Variants in MRTFB observed in about 807,000 individuals in gnomAD.
The protein encoded by MRTFB is myocardin related transcription factor B.
MRTFB carries 29 observed loss-of-function variants against 104.2 expected under a neutral mutation model. The observed-to-expected ratio is 0.28, with a 90% CI of 0.21 to 0.38. The LOEUF (loss-of-function observed/expected upper bound fraction) is 0.38, where lower values mean the gene tolerates loss of function less well. Ranked by LOEUF, MRTFB falls within the 10% of genes least tolerant of loss-of-function variation. MRTFB has a pLI of 1.00. For synonymous variants in MRTFB, 535 were observed against 519.5 expected (o/e 1.03, Z -0.41); for missense variants, 1,270 against 1,341.6 (o/e 0.95, Z 0.83).
chr16:14,049,023 C>T, the MRTFB span, among the ~76,000 whole-genome samples: 6 of 152,114 alleles, frequency 3.9e-5, no homozygotes, highest in African/African-American at 1.2e-4. Context: ...GTTTGCCTCC[C>T]AGGGGACATT....
intron 2 of MRTFB, among the ~76,000 whole-genome samples, chr16:14,107,583 C>T (rs1262212307): frequency 1.3e-5 from 2 of 152,194 alleles, no homozygotes; most frequent in South Asian, 4.2e-4. Flanking sequence ...TGACAGACTT[C>T]ATTTTGGTCT....
Position 14,246,672 on chromosome 16 carries a change from A to C in MRTFB, c.1412A>C (p.His471Pro), listed in dbSNP as rs755491163. 6.2e-7 allele frequency: 1 copy of C among 1,614,152 alleles called. No individual in the cohort carries two copies. The change falls in exon 12 of 17, where the codon CAC (histidine) becomes CCC (proline). Residue 471 changes from histidine (H) to proline (P), a missense_variant. Physicochemically the swap from His to Pro is moderately conservative, Grantham distance 77. Around this residue, in one of 3 missense-constraint regions of MRTFB, gnomAD observed 1,144 missense variants for 1,131.5 expected, o/e 1.01. Coordinates refer to ENST00000571589, the MANE Select transcript of MRTFB (RefSeq NM_001308142.2). ...VTVALPVTTL[H>P]NTVTSSVSTL... is the part of the protein sequence containing the mutation. ...GTGGCCTTGCCGGTTACAACACTAC[A>C]CAACACTGTGACTAGCTCAGTCTCT...
At chr16:14,232,493 T>C (rs2042309216) in intron 8 of MRTFB, among the ~76,000 whole-genome samples, 1 of 152,212 alleles carries the variant, frequency 6.6e-6, no homozygotes, top group Non-Finnish European at 1.5e-5. Flanking sequence ...GTGTCCATTC[T>C]CTTAGATGAG....
At chr16:14,071,453 G>A (rs2141748198) in intron 1 of MRTFB, 88 bp downstream of exon 1, 1 of 152,920 alleles carries the variant, frequency 6.5e-6, no homozygotes, top group African/African-American at 2.4e-5. Flanking sequence ...CGGGCCTGGT[G>A]AACATCCCGC....
chr16:14,065,745 TA>T, the MRTFB span, among the ~76,000 whole-genome samples: 11 of 151,636 alleles, frequency 7.3e-5, no homozygotes, highest in East Asian at 1.5e-3. Flanking sequence ...ACCCCATCCC[TA>T]AAAAAAAATT....
intron 3 of MRTFB, among the ~76,000 whole-genome samples, chr16:14,198,530 C>A (rs187978884): frequency 6.6e-6 from 1 of 152,346 alleles, no homozygotes; most frequent in Non-Finnish European, 1.5e-5. Context: ...CCTGATTTCT[C>A]TCCCCCTGGC....
At chr16:14,020,133 AC>A in the MRTFB span, among the ~76,000 whole-genome samples, 1 of 150,456 alleles carries the variant, frequency 6.6e-6, no homozygotes, top group African/African-American at 2.4e-5. Flanking sequence ...CTGACTGGGT[AC>A]CCCCTCCACT....
chr16:14,232,676 C>T (rs1413801814), intron 8 of MRTFB, among the ~76,000 whole-genome samples: 3 of 152,202 alleles, frequency 2.0e-5, no homozygotes, highest in Non-Finnish European at 2.9e-5. Flanking sequence ...ATTGCACACT[C>T]GCACACCCAC....
At position 14,088,329 on chromosome 16, in the gene MRTFB, G is replaced by C. The variant is rs557911021; in HGVS notation, c.-64+8975G>C. Among the ~76,000 whole-genome samples the C allele has an allele frequency of 6.6e-5, 10 of 152,272 alleles. No individual in the cohort carries two copies. The South Asian group carries it at 1.9e-3, about 28-fold the overall frequency. On this transcript the variant is annotated intron_variant, in intron 2 of 16. Coordinates refer to ENST00000571589, the MANE Select transcript of MRTFB (RefSeq NM_001308142.2). ...GATGTAATTACCCCAGTTTTAAAGAGCAGAAGGGCTCAATGAGATTGTGAA... is the reference window on the plus strand; with the variant it reads ...GATGTAATTACCCCAGTTTTAAAGACCAGAAGGGCTCAATGAGATTGTGAA...
At chr16:14,256,666 C>T (rs1483189552) in intron 15 of MRTFB, among the ~76,000 whole-genome samples, 1 of 152,192 alleles carries the variant, frequency 6.6e-6, no homozygotes, top group Non-Finnish European at 1.5e-5. Flanking sequence ...CTAGAGTTGG[C>T]GGTAACCTGA....
chr16:14,261,501 A>T lies in MRTFB; in HGVS notation c.*57A>T, dbSNP rs1272136260. 6.7e-7 allele frequency: 1 copy of T among 1,494,272 alleles called. No individual in the cohort carries two copies. The highest frequency in any genetic ancestry group is 1.4e-5 in the African/African-American group (1 of 71,416). The allele number at this position is 1,494,272 out of a possible 1,614,324, so 92.6% of individuals were successfully genotyped here. ...GGTTTAAGAACATGAAGATTCTAAAAGGTCAGTTTTTAGAGATAGATCTAT... is the reference window on the plus strand; with the variant it reads ...GGTTTAAGAACATGAAGATTCTAAATGGTCAGTTTTTAGAGATAGATCTAT... On this transcript the variant is annotated 3_prime_UTR_variant, in exon 17 of 17. Transcript: ENST00000571589.
intron 1 of MRTFB, among the ~76,000 whole-genome samples, chr16:14,075,567 T>C (rs1328476067): frequency 6.6e-6 from 1 of 152,254 alleles, no homozygotes; most frequent in Non-Finnish European, 1.5e-5. Flanking sequence ...AGGTCTGGGC[T>C]GGGCCCATAG....
intron 2 of MRTFB, among the ~76,000 whole-genome samples, chr16:14,125,201 T>G (rs1039833764): frequency 6.6e-6 from 1 of 152,250 alleles, no homozygotes; most frequent in Non-Finnish European, 1.5e-5. Context: ...CATGGATGAA[T>G]GCCCACTGTT....
chr16:14,028,571 C>T, the MRTFB span, among the ~76,000 whole-genome samples: 4 of 152,206 alleles, frequency 2.6e-5, no homozygotes, highest in African/African-American at 9.7e-5. Context: ...TTCTCCCACA[C>T]ATCTCTCCTC....
At chr16:14,255,886 G>T (rs375915295) in intron 15 of MRTFB, among the ~76,000 whole-genome samples, 3 of 152,146 alleles carry the variant, frequency 2.0e-5, no homozygotes, top group Admixed American at 6.5e-5. Context: ...GGCGAAGTGG[G>T]AGGATTGCTT....
At chr16:14,207,665 A>C (rs915900949) in intron 3 of MRTFB, among the ~76,000 whole-genome samples, 1 of 152,206 alleles carries the variant, frequency 6.6e-6, no homozygotes, top group African/African-American at 2.4e-5. Context: ...GAAAGGTGGT[A>C]TACCTAGAGA....
At chr16:14,059,384 G>A in the MRTFB span, among the ~76,000 whole-genome samples, 8 of 152,018 alleles carry the variant, frequency 5.3e-5, no homozygotes, top group Non-Finnish European at 8.8e-5. Flanking sequence ...CCCTCTCCCC[G>A]CTACCTGGAA....
intron 2 of MRTFB, among the ~76,000 whole-genome samples, chr16:14,098,123 G>T (rs559235735): frequency 6.6e-6 from 1 of 152,302 alleles, no homozygotes; most frequent in Admixed American, 6.5e-5. Flanking sequence ...CTAGGAGTAG[G>T]ATGGATGGGT....
the MRTFB span, among the ~76,000 whole-genome samples, chr16:14,035,033 G>T: frequency 6.6e-6 from 1 of 152,172 alleles, no homozygotes; most frequent in African/African-American, 2.4e-5. Context: ...ACAGAAACAT[G>T]GTCGGAAAGT....
Sources: allele counts gnomAD v4.1 joint callset (sites outside exome capture counted in the v4.1 genomes callset), GRCh38; gene constraint gnomAD v4.1.1; regional missense constraint gnomAD v4.1.1; transcripts MANE v1.5; gene names NCBI Gene and HGNC (gene_info 2026-07-23, HGNC 2026-07-21).